MAGI2: variants seen among roughly 807,000 people sequenced by gnomAD.
MAGI2 encodes the protein membrane associated guanylate kinase, WW and PDZ domain containing 2, also known as membrane-associated guanylate kinase, WW and PDZ domain-containing protein 2.
In MAGI2, 35 loss-of-function variants were observed where a neutral mutation model predicts 133.3. That is an observed-to-expected ratio of 0.26 (90% CI 0.20 to 0.35). The LOEUF (loss-of-function observed/expected upper bound fraction) is 0.35. Among genes scored for constraint, MAGI2 ranks in the 10% least tolerant of loss-of-function variants. The pLI, the probability that MAGI2 is intolerant of heterozygous loss-of-function variation, is 1.00. For synonymous variants in MAGI2, 729 were observed against 710.6 expected (o/e 1.03, Z -0.41); for missense variants, 1,636 against 1,863.4 (o/e 0.88, Z 2.25).
chr7:78,852,436 T>C (rs1438183020), intron 2 of MAGI2, among the ~76,000 whole-genome samples: 1 of 152,128 alleles, frequency 6.6e-6, no homozygotes, highest in African/African-American at 2.4e-5. Context: ...TTGTGTCCTG[T>C]TTATGAAACA....
chr7:78,745,537 A>G (rs944137918), intron 2 of MAGI2, among the ~76,000 whole-genome samples: 2 of 151,624 alleles, frequency 1.3e-5, no homozygotes, highest in African/African-American at 2.4e-5. Flanking sequence ...TGATTTAAAA[A>G]AAAAAACAAC....
chr7:78,258,750 T>TG (rs1211683207), intron 9 of MAGI2, among the ~76,000 whole-genome samples: 22 of 152,354 alleles, frequency 1.4e-4, no homozygotes, highest in Middle Eastern at 6.8e-3. Flanking sequence ...TTATCTATTT[T>TG]GATACTTGTG....
chr7:78,725,266 C>T lies in MAGI2; in HGVS notation c.419-98027G>A, dbSNP rs114342778. 7.9e-3 allele frequency among the ~76,000 whole-genome samples: 1,201 copies of T among 152,128 alleles called. 24 individuals are homozygous for T. The highest frequency in any genetic ancestry group is 0.027 in the African/African-American group (1,138 of 41,500). On this transcript the variant is annotated intron_variant, in intron 2 of 21. Transcript: ENST00000354212. ...TGAATCCAAAGGTGAACTAATAGAT[C>T]GAAAAATGGTTCATGCTTAGGTGTG...
At chr7:79,134,120 A>G (rs1191644054) in intron 1 of MAGI2, among the ~76,000 whole-genome samples, 2 of 152,200 alleles carry the variant, frequency 1.3e-5, no homozygotes, top group African/African-American at 4.8e-5. Context: ...ATCTTAGTCT[A>G]TTAAGATGTT....
chr7:78,943,666 G>A (rs1457623194), intron 2 of MAGI2, among the ~76,000 whole-genome samples: 1 of 151,874 alleles, frequency 6.6e-6, no homozygotes, highest in East Asian at 1.9e-4. Flanking sequence ...GTTGAGTGGA[G>A]AAAAAAAGGT....
At chr7:79,292,469 A>T (rs1398185874) in intron 1 of MAGI2, among the ~76,000 whole-genome samples, 2 of 151,472 alleles carry the variant, frequency 1.3e-5, no homozygotes, top group African/African-American at 4.9e-5. Flanking sequence ...CAAAAAAAAT[A>T]AAAAAATAAA....
intron 2 of MAGI2, among the ~76,000 whole-genome samples, chr7:78,917,489 C>T (rs185960779): frequency 2.3e-4 from 35 of 152,102 alleles, no homozygotes; most frequent in Non-Finnish European, 4.6e-4. Flanking sequence ...AGAAATTGTC[C>T]TTGTGATGTC....
intron 6 of MAGI2, among the ~76,000 whole-genome samples, chr7:78,466,442 G>GA (rs1365677153): frequency 6.6e-6 from 1 of 152,162 alleles, no homozygotes; most frequent in Non-Finnish European, 1.5e-5. Context: ...TCCCAAAGGA[G>GA]AAAAAACTGT....
intron 2 of MAGI2, among the ~76,000 whole-genome samples, chr7:78,645,111 C>CGT (rs1554510948): frequency 0.011 from 1,645 of 148,306 alleles, 17 homozygotes; most frequent in African/African-American, 0.017. Flanking sequence ...TATGTGTGTG[C>CGT]GTGTGTGTGT....
At position 79,170,161 on chromosome 7, in the gene MAGI2, T is replaced by C. The variant is rs1825380957; in HGVS notation, c.302-162955A>G. Among the ~76,000 whole-genome samples, 9 of 139,702 alleles carry C rather than the reference T, an allele frequency of 6.4e-5. No individual in the cohort carries two copies. The Admixed American group carries it at 6.6e-4, about 10-fold the overall frequency. The allele number at this position is 139,702 out of a possible 152,430, so 91.6% of individuals were successfully genotyped here. A position where few individuals can be genotyped will look rare whatever the true frequency, so the allele number is the denominator to read the frequency against. Reference sequence around the variant, plus strand: ...ACTTTTTTTTTTTTTTTTTTTTTTTTTTTTTGAGACAGGGTCTTGCTCTGT... The same window carrying C: ...ACTTTTTTTTTTTTTTTTTTTTTTTCTTTTTGAGACAGGGTCTTGCTCTGT... On this transcript the variant is annotated intron_variant, in intron 1 of 21. Transcript: ENST00000354212.
intron 9 of MAGI2, among the ~76,000 whole-genome samples, chr7:78,296,702 G>GTAAC (rs1010363741): frequency 6.6e-6 from 1 of 152,252 alleles, no homozygotes; most frequent in South Asian, 2.1e-4. Context: ...CCAAAATTGA[G>GTAAC]TAACTTCTAG....
chr7:79,101,461 A>G (rs1206562932), intron 1 of MAGI2, among the ~76,000 whole-genome samples: 1 of 152,198 alleles, frequency 6.6e-6, no homozygotes, highest in Non-Finnish European at 1.5e-5. Flanking sequence ...GCAGTGTCTC[A>G]GGCCTGTAAT....
chr7:79,438,419 T>C (rs929340528), intron 1 of MAGI2, among the ~76,000 whole-genome samples: 3 of 152,170 alleles, frequency 2.0e-5, no homozygotes, highest in African/African-American at 7.2e-5. Flanking sequence ...AACTATCTTA[T>C]GAATAGTTAT....
chr7:79,063,311 A>G, intron 1 of MAGI2, among the ~76,000 whole-genome samples: 1 of 152,118 alleles, frequency 6.6e-6, no homozygotes, highest in South Asian at 2.1e-4. Context: ...AGCTACAGAA[A>G]ACCTTTTTTT....
At position 78,109,423 on chromosome 7, in the gene MAGI2, A is replaced by G. The variant is rs565035564; in HGVS notation, c.3567+16271T>C. On this transcript the variant is annotated intron_variant, in intron 20 of 21. Coordinates refer to ENST00000354212, the MANE Select transcript of MAGI2 (RefSeq NM_012301.4). ...CAAGGTGGGTGCATCACGAGGTCAG[A>G]AGATCGAGACCATCCTGGCTAAAAT... Among the ~76,000 whole-genome samples the G allele has an allele frequency of 1.6e-3, 240 of 149,414 alleles. 1 individual carries two copies. Among genetic ancestry groups the G allele is most frequent in the Middle Eastern group, 3.6e-3 (1 of 274 alleles).
At chr7:78,753,361 A>T (rs997227665) in intron 2 of MAGI2, among the ~76,000 whole-genome samples, 1 of 152,172 alleles carries the variant, frequency 6.6e-6, no homozygotes, top group African/African-American at 2.4e-5. Context: ...GTAGCAGATA[A>T]TAGACCAGAT....
intron 9 of MAGI2, among the ~76,000 whole-genome samples, chr7:78,319,564 G>A (rs938121355): frequency 1.3e-5 from 2 of 152,220 alleles, no homozygotes; most frequent in African/African-American, 4.8e-5. Flanking sequence ...AAATAAAGAT[G>A]TTCTTTGAAA....
At chr7:78,263,176 C>A (rs1323428104) in intron 9 of MAGI2, among the ~76,000 whole-genome samples, 1 of 152,092 alleles carries the variant, frequency 6.6e-6, no homozygotes, top group Non-Finnish European at 1.5e-5. Flanking sequence ...GTGTAGTATT[C>A]CATGGCATTA....
At chr7:78,758,079 G>GGCCT (rs1309149055) in intron 2 of MAGI2, among the ~76,000 whole-genome samples, 1 of 151,980 alleles carries the variant, frequency 6.6e-6, no homozygotes, top group African/African-American at 2.4e-5. Flanking sequence ...TGCCTGCTCT[G>GGCCT]GCCTCCCTTC....
Sources: allele counts gnomAD v4.1 joint callset (sites outside exome capture counted in the v4.1 genomes callset), GRCh38; gene constraint gnomAD v4.1.1; transcripts MANE v1.5; gene names NCBI Gene and HGNC (gene_info 2026-07-23, HGNC 2026-07-21).